LTBP4: variants seen among roughly 807,000 people sequenced by gnomAD.
LTBP4 encodes the protein latent-transforming growth factor beta-binding protein 4.
In LTBP4, 93 loss-of-function variants were observed where a neutral mutation model predicts 180.2. The observed-to-expected ratio is 0.52, with a 90% CI of 0.44 to 0.61. LTBP4 has a LOEUF of 0.61. LTBP4 is among the 20% of genes least tolerant of loss of function. The pLI, the probability that LTBP4 is intolerant of heterozygous loss-of-function variation, is 0.00. For synonymous variants in LTBP4, 947 were observed against 934.5 expected, an observed-to-expected ratio of 1.01 and a Z score of -0.24; for missense variants, 2,116 against 2,256.5, an observed-to-expected ratio of 0.94 and a Z score of 1.26.
At chr19:40,627,944 AGGGACGGGAAAGGACCTCACTACAG>A in intron 29 of LTBP4, 87 bp downstream of exon 29, 1 of 1,477,298 alleles carries the variant, frequency 6.8e-7, no homozygotes, top group Non-Finnish European at 9.0e-7. Context: ...GGTGCTGGTC[AGGGACGGGAAAGGACCTCACTACAG>A]GGGACGGGCC....
chr19:40,601,556 A>G lies in LTBP4; in HGVS notation c.169A>G (p.Thr57Ala), dbSNP rs1049456552. Residue 57 changes from threonine to alanine, a missense_variant, in exon 1 of 30, where the codon ACC (threonine) becomes GCC (alanine). Physicochemically the swap from Thr to Ala is moderately conservative, Grantham distance 58 (BLOSUM62 0). Coordinates refer to ENST00000396819, the MANE Select transcript of LTBP4 (RefSeq NM_001042545.2). ...GCCGACCGGCTCCCGCTGTACCCCG[A>G]CCTGCGCGCCCCGCAACGCCACCAG... ...HGPTGSRCTP[T>A]CAPRNATSVD... The G allele has an allele frequency of 8.8e-6, 13 of 1,477,604 alleles. No individual in the cohort carries two copies. The highest frequency in any genetic ancestry group is 1.2e-5 in the Non-Finnish European group (13 of 1,120,354). 91.5% of individuals were successfully genotyped at this position (1,477,604 alleles called of 1,614,324 possible).
intron 26 of LTBP4, among the ~76,000 whole-genome samples, chr19:40,625,076 GTTGT>G (rs1568414125): frequency 1.3e-5 from 2 of 149,032 alleles, no homozygotes; most frequent in African/African-American, 2.5e-5. Context: ...TCTACTTGTC[GTTGT>G]TTGTTTTCAT....
chr19:40,625,759 G>C, intron 26 of LTBP4, 98 bp from the exon 27 acceptor site: 1 of 1,084,528 alleles, frequency 9.2e-7, no homozygotes, highest in South Asian at 1.9e-5. Context: ...TTTGCTGATA[G>C]GCAGAGGGTG....
chr19:40,624,763 T>A (rs1185222876), intron 26 of LTBP4, among the ~76,000 whole-genome samples: 1 of 152,052 alleles, frequency 6.6e-6, no homozygotes, highest in African/African-American at 2.4e-5. Flanking sequence ...ATTTATTTTT[T>A]ACTAAGTACC....
chr19:40,602,621 C>T (rs559258945), intron 1 of LTBP4, among the ~76,000 whole-genome samples: 2 of 152,230 alleles, frequency 1.3e-5, no homozygotes, highest in African/African-American at 2.4e-5. Context: ...CCAGCCCCAA[C>T]GTGCCTGTGC....
intron 1 of LTBP4, among the ~76,000 whole-genome samples, chr19:40,594,754 C>T (rs931280958): frequency 7.9e-5 from 12 of 152,020 alleles, no homozygotes; most frequent in African/African-American, 1.9e-4. Flanking sequence ...TGTCCCTGGA[C>T]GGTGCTGGAC....
chr19:40,629,248 G>A lies in LTBP4; in HGVS notation c.4520-148G>A. ...ACAGTGAGGTTAAGCCACCTGGCCG[G>A]GCTCACACAGTTAGCAGATGGCAGA... is the stretch of plus-strand genomic sequence containing the variant. On this transcript the variant is annotated intron_variant, in intron 29 of 29. Coordinates refer to ENST00000396819, the MANE Select transcript of LTBP4 (RefSeq NM_001042545.2). This position sits in a 1 kb window ranked among gnomAD's most constrained non-coding sequence, Gnocchi z 4.5. The A allele has an allele frequency of 2.1e-6, 2 of 967,314 alleles. No homozygotes were observed. Among genetic ancestry groups the A allele is most frequent in the Non-Finnish European group, 3.2e-6 (2 of 630,168 alleles). 59.9% of individuals were successfully genotyped at this position (967,314 alleles called of 1,614,324 possible).
At position 40,627,315 on chromosome 19, in the gene LTBP4, C is replaced by T; in HGVS notation, c.4326C>T (p.Phe1442=). 6.5e-7 allele frequency: 1 copy of T among 1,529,024 alleles called. No individual in the cohort carries two copies. Among genetic ancestry groups the T allele is most frequent in the Non-Finnish European group, 8.8e-7 (1 of 1,139,790 alleles). 94.7% of individuals were successfully genotyped at this position (1,529,024 alleles called of 1,614,324 possible). The change falls in exon 28 of 30, where the codon TTC becomes TTT. Residue 1442 remains phenylalanine, a synonymous_variant. Transcript: ENST00000396819. The part of the protein sequence containing the change: ...PYRSRDTRRS[F]PEPEEPPEGG... Reference sequence around the variant, plus strand: ...GGTCCCGGGACACCCGCCGCTCCTTCCCAGAGCCCGAGGAGCCTCCTGAAG... The same window carrying T: ...GGTCCCGGGACACCCGCCGCTCCTTTCCAGAGCCCGAGGAGCCTCCTGAAG...
chr19:40,596,584 GC>G (rs1229378390), upstream of LTBP4, among the ~76,000 whole-genome samples: 1 of 152,150 alleles, frequency 6.6e-6, no homozygotes, highest in African/African-American at 2.4e-5. Context: ...CGGGGAGCAA[GC>G]TTTTGCAGAT....
At chr19:40,597,203 C>A, upstream of LTBP4, 1 of 1,429,534 alleles carries the variant, frequency 7.0e-7, no homozygotes, top group Non-Finnish European at 9.1e-7. Context: ...GGACAGACCG[C>A]CCGCCCGGAG....
chr19:40,611,817 T>A lies in LTBP4; in HGVS notation c.2054-42T>A. ...GGGTGGTGATGGCCATGGGAATGGA[T>A]TCAGGCCCCTTCCTCAGCCTCATTG... On this transcript the variant is annotated intron_variant, in intron 13 of 29. Coordinates refer to ENST00000396819, the MANE Select transcript of LTBP4 (RefSeq NM_001042545.2). The surrounding 1 kb of genome is among the most constrained non-coding windows in gnomAD (Gnocchi z 4.4). 4 of 1,584,364 alleles carry A rather than the reference T, an allele frequency of 2.5e-6. No homozygotes were observed. Among genetic ancestry groups the A allele is most frequent in the Non-Finnish European group, 3.4e-6 (4 of 1,163,258 alleles).
At position 40,608,472 on chromosome 19, in the gene LTBP4, CT is replaced by C. The variant is rs1261009040; in HGVS notation, c.1307-10del. The C allele has an allele frequency of 1.3e-6, 2 of 1,597,748 alleles. No homozygotes were observed. The highest frequency in any genetic ancestry group is 8.5e-7 in the Non-Finnish European group (1 of 1,172,436). On this transcript the variant is annotated splice_polypyrimidine_tract_variant and intron_variant, in intron 8 of 29. Transcript: ENST00000396819. The stretch of plus-strand genomic sequence containing the variant: ...ATTTGGGCTCCACTCGTTGATACCC[CT>C]TCTTTATCAGGCTTTCTGCCCACCC...
At position 40,622,862 on chromosome 19, in the gene LTBP4, G is replaced by A; in HGVS notation, c.3485-88G>A. On this transcript the variant is annotated intron_variant, in intron 23 of 29. Transcript: ENST00000396819. The surrounding 1 kb of genome is among the most constrained non-coding windows in gnomAD (Gnocchi z 5.1). Reference sequence around the variant, plus strand: ...GTGGGCACTAACAGGCACAGGGCCAGAGGGACTTTTGTGACAAGTGGGCAC... The same window carrying A: ...GTGGGCACTAACAGGCACAGGGCCAAAGGGACTTTTGTGACAAGTGGGCAC... 1 of 1,456,916 alleles carries A rather than the reference G, an allele frequency of 6.9e-7. No individual in the cohort carries two copies. Among genetic ancestry groups the A allele is most frequent in the Non-Finnish European group, 9.4e-7 (1 of 1,063,972 alleles). The allele number at this position is 1,456,916 out of a possible 1,614,324, so 90.2% of individuals were successfully genotyped here.
chr19:40,593,677 C>T (rs2081377273), intron 1 of LTBP4, among the ~76,000 whole-genome samples: 1 of 145,236 alleles, frequency 6.9e-6, no homozygotes, highest in Non-Finnish European at 1.5e-5. Context: ...TTTTGTAATG[C>T]TCACAGATCT....
At chr19:40,619,211 C>G in intron 21 of LTBP4, 136 bp from the exon 22 acceptor site, 1 of 863,502 alleles carries the variant, frequency 1.2e-6, no homozygotes, top group Non-Finnish European at 1.8e-6. Flanking sequence ...AGGTTTCTCA[C>G]TAGAAGAAAA....
upstream of LTBP4, among the ~76,000 whole-genome samples, chr19:40,600,722 C>T (rs2081417432): frequency 6.6e-6 from 1 of 152,130 alleles, no homozygotes. The surrounding 1 kb of genome is among the most constrained non-coding windows in gnomAD (Gnocchi z 4.4). Flanking sequence ...AGATGTGAGC[C>T]TCGGGCCAGA....
rs764183918 is a variant in LTBP4 at position 40,608,538 on chromosome 19, G to A, written c.1361G>A (p.Arg454Gln). The change falls in exon 9 of 30, where the codon CGG becomes CAG. Residue 454 changes from arginine to glutamine, a missense_variant. Physicochemically the swap from Arg to Gln is conservative, Grantham distance 43. Around this residue, in one of 5 missense-constraint regions of LTBP4, gnomAD observed 877 missense variants for 873.6 expected, o/e 1.00. Transcript: ENST00000396819. ...CGGCCTGAACCCCGGCCCGATCCCCGGCCCGGCCCTGAGCTTCCCTTGCCC... is the reference window on the plus strand; with the variant it reads ...CGGCCTGAACCCCGGCCCGATCCCCAGCCCGGCCCTGAGCTTCCCTTGCCC... ...EPRPEPRPDP[R>Q]PGPELPLPSI... 7.5e-6 allele frequency: 12 copies of A among 1,606,388 alleles called. No homozygotes were observed. The highest frequency in any genetic ancestry group is 2.2e-5 in the East Asian group (1 of 44,678).
intron 12 of LTBP4, 116 bp downstream of exon 12, chr19:40,610,773 C>T (rs2081500275): frequency 7.0e-7 from 1 of 1,423,536 alleles, no homozygotes; most frequent in Non-Finnish European, 9.3e-7. Flanking sequence ...AGACAGAGGC[C>T]AGGCTCTCGA....
intron 19 of LTBP4, chr19:40,615,437 G>C (rs1249134815): frequency 6.6e-6 from 1 of 152,204 alleles, no homozygotes; most frequent in Non-Finnish European, 1.5e-5. Context: ...GAGTTATTGT[G>C]GGGTAATAAA....
Sources: allele counts gnomAD v4.1 joint callset (sites outside exome capture counted in the v4.1 genomes callset), GRCh38; gene constraint gnomAD v4.1.1; regional missense constraint gnomAD v4.1.1; non-coding constraint Gnocchi (gnomAD v3.1); transcripts MANE v1.5; gene names NCBI Gene and HGNC (gene_info 2026-07-23, HGNC 2026-07-21).